Variants in ACKR2 observed in about 807,000 individuals in gnomAD.
ACKR2 encodes C-C chemokine receptor D6.
For synonymous variants in ACKR2, 207 were observed against 192.2 expected (o/e 1.08, Z -0.64); for missense variants, 457 against 477.3 (o/e 0.96, Z 0.40).
intron 1 of ACKR2, among the ~76,000 whole-genome samples, chr3:42,813,131 G>A (rs1326815564): frequency 3.3e-5 from 5 of 152,138 alleles, no homozygotes; most frequent in Non-Finnish European, 5.9e-5. Context: ...TAGCATTAGG[G>A]CCTTTGGGAC....
At chr3:42,850,322 T>C (rs1355344208) in intron 2 of ACKR2, among the ~76,000 whole-genome samples, 2 of 152,108 alleles carry the variant, frequency 1.3e-5, no homozygotes, top group Non-Finnish European at 2.9e-5. Flanking sequence ...TCTTGGGACA[T>C]TCCGTTCTCT....
chr3:42,826,862 A>G (rs1700870859), intron 2 of ACKR2, among the ~76,000 whole-genome samples: 1 of 152,184 alleles, frequency 6.6e-6, no homozygotes, highest in Admixed American at 6.5e-5. Context: ...ATCTGTATTC[A>G]CATTTCTCTC....
At chr3:42,846,607 C>T (rs1177996269) in intron 2 of ACKR2, among the ~76,000 whole-genome samples, 2 of 152,208 alleles carry the variant, frequency 1.3e-5, no homozygotes, top group Non-Finnish European at 2.9e-5. Flanking sequence ...CTGTCCTGGG[C>T]TGCATGCGGC....
At chr3:42,860,185 A>AAAAAAAAAAAAAC (rs1243319646) in intron 2 of ACKR2, among the ~76,000 whole-genome samples, 2 of 145,022 alleles carry the variant, frequency 1.4e-5, no homozygotes, top group African/African-American at 2.6e-5. Flanking sequence ...AAAAAAAAAA[A>AAAAAAAAAAAAAC]AAAAGCAGGG....
At chr3:42,811,120 G>T (rs1700690123) in intron 1 of ACKR2, among the ~76,000 whole-genome samples, 1 of 152,226 alleles carries the variant, frequency 6.6e-6, no homozygotes, top group East Asian at 1.9e-4. Flanking sequence ...AAAGTGCCTG[G>T]ATTACAGGTG....
intron 2 of ACKR2, among the ~76,000 whole-genome samples, chr3:42,820,382 A>G (rs1700796481): frequency 6.6e-6 from 1 of 152,096 alleles, no homozygotes; most frequent in Admixed American, 6.5e-5. Flanking sequence ...TCACGAGGTC[A>G]GGAGATCGAG....
intron 1 of ACKR2, among the ~76,000 whole-genome samples, chr3:42,817,462 G>T (rs1700764188): frequency 6.6e-6 from 1 of 151,768 alleles, no homozygotes; most frequent in Non-Finnish European, 1.5e-5. Context: ...CTGGTTTTGG[G>T]TACCCTCCTC....
At chr3:42,826,103 G>A (rs1038624174) in intron 2 of ACKR2, among the ~76,000 whole-genome samples, 2 of 151,966 alleles carry the variant, frequency 1.3e-5, no homozygotes, top group African/African-American at 2.4e-5. Flanking sequence ...ACTAGTCATG[G>A]TGTATAACCC....
intron 2 of ACKR2, among the ~76,000 whole-genome samples, chr3:42,830,873 T>G (rs1241817373): frequency 1.3e-5 from 2 of 151,982 alleles, no homozygotes; most frequent in Non-Finnish European, 2.9e-5. Flanking sequence ...CCGGTCTGCA[T>G]GAGGAAGGGA....
chr3:42,810,619 G>T (rs1008412172), intron 1 of ACKR2, among the ~76,000 whole-genome samples: 2 of 151,910 alleles, frequency 1.3e-5, no homozygotes, highest in Non-Finnish European at 2.9e-5. Flanking sequence ...AAAATCGAAT[G>T]TTTAGCCAAC....
At chr3:42,855,646 G>A (rs2088309116) in intron 2 of ACKR2, among the ~76,000 whole-genome samples, 1 of 152,162 alleles carries the variant, frequency 6.6e-6, no homozygotes. Context: ...GAGATCAGGA[G>A]GGCAAAGGCC....
intron 1 of ACKR2, among the ~76,000 whole-genome samples, chr3:42,818,402 G>A (rs574543731): frequency 6.6e-6 from 1 of 152,320 alleles, no homozygotes; most frequent in Admixed American, 6.5e-5. Context: ...GCTCTATGAA[G>A]ATCTAGGGGA....
At chr3:42,858,201 G>T (rs946843161) in intron 2 of ACKR2, among the ~76,000 whole-genome samples, 1 of 152,208 alleles carries the variant, frequency 6.6e-6, no homozygotes, top group Non-Finnish European at 1.5e-5. Context: ...CCTCAAGTGG[G>T]TCCCTGACCC....
At chr3:42,857,124 T>G (rs1031081750) in intron 2 of ACKR2, among the ~76,000 whole-genome samples, 97 of 152,194 alleles carry the variant, frequency 6.4e-4, no homozygotes, top group African/African-American at 2.3e-3. Flanking sequence ...TTGAATTTGG[T>G]GCCTCTCATT....
chr3:42,864,411 G>A, intron 2 of ACKR2, 55 bp from the exon 3 acceptor site: 2 of 1,480,758 alleles, frequency 1.4e-6, no homozygotes, highest in Non-Finnish European at 9.0e-7. Context: ...AGCAGCAAAA[G>A]TGGGTTTAGA....
At chr3:42,823,731 A>T (rs1315488003) in intron 2 of ACKR2, among the ~76,000 whole-genome samples, 2 of 152,216 alleles carry the variant, frequency 1.3e-5, no homozygotes, top group African/African-American at 4.8e-5. Context: ...AGAAACCTAT[A>T]CATTTTTGCG....
chr3:42,861,745 C>G (rs2088386034), intron 2 of ACKR2, among the ~76,000 whole-genome samples: 1 of 152,154 alleles, frequency 6.6e-6, no homozygotes, highest in Non-Finnish European at 1.5e-5. Context: ...AGCACATAAA[C>G]AGAACCAATG....
intron 2 of ACKR2, among the ~76,000 whole-genome samples, chr3:42,857,806 A>G (rs1328337049): frequency 6.6e-6 from 1 of 152,258 alleles, no homozygotes; most frequent in Non-Finnish European, 1.5e-5. Flanking sequence ...GCCAGGGTGG[A>G]TGCATTGGAC....
At chr3:42,843,290 C>T (rs1442548065) in intron 2 of ACKR2, among the ~76,000 whole-genome samples, 17 of 151,840 alleles carry the variant, frequency 1.1e-4, no homozygotes, top group East Asian at 3.9e-4. Context: ...AAGCTGGTCT[C>T]GAACTCCTGA....
Sources: gnomAD v4.1 joint callset for allele counts (sites outside exome capture counted in the v4.1 genomes callset) on GRCh38, gnomAD v4.1.1 for gene constraint, MANE v1.5 for transcripts, NCBI Gene and HGNC (gene_info 2026-07-23, HGNC 2026-07-21) for gene names.